Variants in NDST3 observed in about 807,000 individuals in gnomAD.
NDST3 encodes N-deacetylase and N-sulfotransferase 3, also known as bifunctional heparan sulfate N-deacetylase/N-sulfotransferase 3.
A neutral mutation model predicts 96.1 loss-of-function variants in NDST3; 58 were observed. The ratio of observed to expected loss-of-function variants is 0.60; its 90% CI spans 0.49 to 0.75. NDST3 has a LOEUF of 0.75. NDST3 is among the 30% of genes least tolerant of loss of function. NDST3 has a pLI of 0.00. For synonymous variants in NDST3, 333 were observed against 359.7 expected, an observed-to-expected ratio of 0.93 and a Z score of 0.84; for missense variants, 788 against 1,034.2, an observed-to-expected ratio of 0.76 and a Z score of 3.27.
chr4:118,244,294 C>A (rs1204213028), intron 12 of NDST3, among the ~76,000 whole-genome samples: 1 of 152,066 alleles, frequency 6.6e-6, no homozygotes, highest in African/African-American at 2.4e-5. Flanking sequence ...TTTAGTTACT[C>A]CTATTAGAGT....
At chr4:118,216,361 A>G (rs1380713746) in intron 6 of NDST3, among the ~76,000 whole-genome samples, 1 of 152,130 alleles carries the variant, frequency 6.6e-6, no homozygotes, top group Non-Finnish European at 1.5e-5. Flanking sequence ...TGTTTCTCCA[A>G]AATAACAATA....
In NDST3 at chr4:118,041,393, T is replaced by G. The variant is rs71608337; in HGVS notation, c.-156+6801T>G. Among the ~76,000 whole-genome samples, 1,152 of 152,358 alleles carry G rather than the reference T, an allele frequency of 7.6e-3. 10 individuals are homozygous for G. The highest frequency in any genetic ancestry group is 0.012 in the Non-Finnish European group (847 of 68,032). ...TATCTTCCCATATCATATTATTTCC[T>G]TCAGGGTGCCTTATAGGAAATCTTG... On this transcript the variant is annotated intron_variant, in intron 1 of 13. Transcript: ENST00000296499.
chr4:118,216,565 G>C (rs1739205398), intron 6 of NDST3, among the ~76,000 whole-genome samples: 1 of 152,042 alleles, frequency 6.6e-6, no homozygotes, highest in Admixed American at 6.6e-5. Flanking sequence ...TGCTAAGACT[G>C]TAGAGCCAGT....
chr4:118,064,714 CA>C (rs1459830817), intron 2 of NDST3, among the ~76,000 whole-genome samples: 2 of 152,020 alleles, frequency 1.3e-5, no homozygotes, highest in African/African-American at 2.4e-5. Flanking sequence ...AATGCCAAAG[CA>C]AATTACCACC....
chr4:118,161,991 G>A (rs1282691760), intron 6 of NDST3, among the ~76,000 whole-genome samples: 1 of 152,142 alleles, frequency 6.6e-6, no homozygotes, highest in Non-Finnish European at 1.5e-5. Flanking sequence ...GTAGACCGGA[G>A]CTGTTCCTAT....
At chr4:118,188,206 T>C (rs994266013) in intron 6 of NDST3, among the ~76,000 whole-genome samples, 4 of 151,398 alleles carry the variant, frequency 2.6e-5, no homozygotes, top group East Asian at 1.9e-4. Context: ...GGAATATGGG[T>C]TTAACAAACC....
intron 7 of NDST3, among the ~76,000 whole-genome samples, chr4:118,225,572 C>A (rs889961753): frequency 3.9e-5 from 6 of 152,128 alleles, no homozygotes; most frequent in African/African-American, 1.4e-4. Context: ...CCATCTGGTT[C>A]CAAAAGCTGT....
intron 2 of NDST3, among the ~76,000 whole-genome samples, chr4:118,064,360 T>A (rs1223440481): frequency 6.6e-6 from 1 of 152,138 alleles, no homozygotes; most frequent in Admixed American, 6.6e-5. Flanking sequence ...AGCACTTTTT[T>A]ATTCTTAACT....
chr4:118,252,203 C>T (rs1741789725), intron 12 of NDST3, among the ~76,000 whole-genome samples: 1 of 152,160 alleles, frequency 6.6e-6, no homozygotes. Context: ...ATTACATTCA[C>T]TTTTATATCT....
In NDST3 at chr4:118,206,780, A is replaced by T. The variant is rs1407872972; in HGVS notation, c.1540-17711A>T. Among the ~76,000 whole-genome samples the T allele has an allele frequency of 2.8e-5, 4 of 144,136 alleles. 1 individual carries two copies. Among genetic ancestry groups the T allele is most frequent in the Non-Finnish European group, 6.1e-5 (4 of 65,230 alleles). 94.6% of individuals were successfully genotyped at this position (144,136 alleles called of 152,430 possible). A position where few individuals can be genotyped will look rare whatever the true frequency, so the allele number is the denominator to read the frequency against. ...TCTCACACATTACTAGTGGTAATGTAAGTCAGTACAATCTCTATGACAGGC... is the reference window on the plus strand; with the variant it reads ...TCTCACACATTACTAGTGGTAATGTTAGTCAGTACAATCTCTATGACAGGC... On this transcript the variant is annotated intron_variant, in intron 6 of 13. Transcript: ENST00000296499.
intron 1 of NDST3, among the ~76,000 whole-genome samples, chr4:118,046,454 T>G (rs1265563863): frequency 3.3e-5 from 5 of 152,198 alleles, no homozygotes; most frequent in Admixed American, 3.3e-4. Context: ...CAGAAGAAAG[T>G]AGAGCTGACT....
At chr4:118,098,411 C>T (rs1484585837) in intron 2 of NDST3, among the ~76,000 whole-genome samples, 1 of 151,916 alleles carries the variant, frequency 6.6e-6, no homozygotes, top group Non-Finnish European at 1.5e-5. Context: ...AGTATTTTGA[C>T]TAAGCATGTC....
At chr4:118,167,022 T>C (rs1328267833) in intron 6 of NDST3, among the ~76,000 whole-genome samples, 1 of 151,312 alleles carries the variant, frequency 6.6e-6, no homozygotes, top group Admixed American at 6.6e-5. Flanking sequence ...TTCAACATTG[T>C]ACTGGAAGTA....
chr4:118,221,299 T>C (rs974896643), intron 6 of NDST3, among the ~76,000 whole-genome samples: 1 of 152,076 alleles, frequency 6.6e-6, no homozygotes, highest in African/African-American at 2.4e-5. Flanking sequence ...TATTTATATT[T>C]GCACCCTGAG....
At chr4:118,247,506 C>T (rs375144054) in intron 12 of NDST3, among the ~76,000 whole-genome samples, 8 of 151,914 alleles carry the variant, frequency 5.3e-5, no homozygotes, top group East Asian at 1.9e-4. Context: ...GAGCCAAGAT[C>T]GCGCCACTGC....
chr4:118,226,961 G>C lies in NDST3; in HGVS notation c.1798G>C (p.Val600Leu). ...KTCDRLPKFL[V>L]IGPQKTGTTA... Reference sequence around the variant, plus strand: ...TTGTGATCGCTTACCAAAATTCTTGGTAATAGGACCCCAGAAAACTGGTGA... The same window carrying C: ...TTGTGATCGCTTACCAAAATTCTTGCTAATAGGACCCCAGAAAACTGGTGA... Residue 600 changes from valine to leucine, a missense_variant, in exon 8 of 14, where the codon GTA (valine) becomes CTA (leucine). Transcript: ENST00000296499. 2.5e-6 allele frequency: 4 copies of C among 1,612,832 alleles called. No homozygotes were observed. Among genetic ancestry groups the C allele is most frequent in the Non-Finnish European group, 3.4e-6 (4 of 1,179,212 alleles).
chr4:118,164,554 A>G (rs1214818852), intron 6 of NDST3, among the ~76,000 whole-genome samples: 3 of 152,166 alleles, frequency 2.0e-5, no homozygotes, highest in Non-Finnish European at 2.9e-5. Flanking sequence ...TATTACCACT[A>G]TATCGCCTTT....
intron 2 of NDST3, 87 bp from the exon 3 acceptor site, chr4:118,104,931 A>G (rs1730047293): frequency 1.9e-6 from 2 of 1,039,718 alleles, no homozygotes; most frequent in East Asian, 4.8e-5. Context: ...AACTGGTTTT[A>G]TCCTCTGAAT....
rs1189861453 is a variant in NDST3, at chr4:118,054,562, A to C, written c.652A>C (p.Thr218Pro). The C allele has an allele frequency of 6.2e-7, 1 of 1,613,356 alleles. No homozygotes were observed. ...GCTTGAAAAAGGTTCTTTACCTGGA[A>C]CTGACTGGACAGTTTTTCAGATTAA... ...SKLEKGSLPG[T>P]DWTVFQINHS... Residue 218 changes from threonine (T) to proline (P), a missense_variant, in exon 2 of 14, where the codon ACT (threonine) becomes CCT (proline). Thr to Pro is a conservative substitution (Grantham distance 38). This residue lies in a region of NDST3 where 234 missense variants were observed against 256.9 expected (regional missense o/e 0.91). Coordinates refer to ENST00000296499, the MANE Select transcript of NDST3 (RefSeq NM_004784.3).
Sources: allele counts gnomAD v4.1 joint callset (sites outside exome capture counted in the v4.1 genomes callset), GRCh38; gene constraint gnomAD v4.1.1; regional missense constraint gnomAD v4.1.1; transcripts MANE v1.5; gene names NCBI Gene and HGNC (gene_info 2026-07-23, HGNC 2026-07-21).